The following RBMS2 variants were observed in gnomAD, a reference collection of about 807,000 sequenced individuals.
RBMS2 encodes the protein RNA-binding motif, single-stranded-interacting protein 2.
Under a neutral mutation model 58.4 loss-of-function variants are expected in RBMS2, and 38 were observed. The observed-to-expected ratio is 0.65, with a 90% confidence interval of 0.50 to 0.85. The LOEUF is 0.85. Ranked by LOEUF, RBMS2 falls within the 40% of genes least tolerant of loss-of-function variation. The pLI, the probability that RBMS2 is intolerant of heterozygous loss-of-function variation, is 0.00. For synonymous variants in RBMS2, 151 were observed against 180.7 expected, an observed-to-expected ratio of 0.84 and a Z score of 1.32; for missense variants, 367 against 503.7, an observed-to-expected ratio of 0.73 and a Z score of 2.60.
At chr12:56,570,535 C>T (rs963295977) in intron 4 of RBMS2, among the ~76,000 whole-genome samples, 6 of 152,180 alleles carry the variant, frequency 3.9e-5, no homozygotes, top group Admixed American at 1.3e-4. Flanking sequence ...TCTCTCACTT[C>T]TTCTGTTAGG....
At position 56,569,021 on chromosome 12, in the gene RBMS2, A is replaced by C; in HGVS notation, c.280A>C (p.Asn94His). The change falls in exon 3 of 14, where the codon AAC becomes CAC. Residue 94 changes from asparagine (N) to histidine (H), a missense_variant. Coordinates refer to ENST00000262031, the MANE Select transcript of RBMS2 (RefSeq NM_002898.4). ...STKAILDKTT[N>H]KCKGYGFVDF... The stretch of plus-strand genomic sequence containing the variant: ...TAAGGCCATACTGGACAAGACCACA[A>C]ACAAATGTAAAGGTGAGAGAACAAC... 6.2e-7 allele frequency: 1 copy of C among 1,612,772 alleles called. No individual in the cohort carries two copies. The highest frequency in any genetic ancestry group is 8.5e-7 in the Non-Finnish European group (1 of 1,178,764).
intron 5 of RBMS2, among the ~76,000 whole-genome samples, chr12:56,575,312 C>T (rs1177949526): frequency 6.6e-6 from 1 of 152,076 alleles, no homozygotes; most frequent in East Asian, 1.9e-4. Flanking sequence ...TGGCACGTGC[C>T]TATAGTTCCA....
chr12:56,576,851 G>A (rs1883196334), intron 5 of RBMS2, among the ~76,000 whole-genome samples: 1 of 151,620 alleles, frequency 6.6e-6, no homozygotes, highest in African/African-American at 2.4e-5. Flanking sequence ...GACCAGCCTG[G>A]CCAAAATGGT....
intron 1 of RBMS2, among the ~76,000 whole-genome samples, chr12:56,554,104 C>T (rs961725355): frequency 2.1e-4 from 32 of 152,124 alleles, no homozygotes; most frequent in African/African-American, 7.0e-4. Flanking sequence ...GGATTATAGG[C>T]GTGAGCCACC....
At chr12:56,568,148 C>T (rs7305370) in intron 2 of RBMS2, among the ~76,000 whole-genome samples, 102,465 of 152,094 alleles carry the variant, frequency 0.67, 38,122 homozygotes, top group Non-Finnish European at 0.81. Flanking sequence ...AGGATTTGAA[C>T]CAAAGCAATT....
intron 1 of RBMS2, among the ~76,000 whole-genome samples, chr12:56,551,201 G>A (rs757707455): frequency 3.3e-5 from 5 of 152,014 alleles, no homozygotes; most frequent in African/African-American, 1.2e-4. Flanking sequence ...AATGGCATGC[G>A]GTTTTATTTG....
intron 1 of RBMS2, among the ~76,000 whole-genome samples, chr12:56,538,797 T>C (rs1875505419): frequency 6.6e-6 from 1 of 152,152 alleles, no homozygotes; most frequent in Admixed American, 6.5e-5. Context: ...CTTAACAATG[T>C]TAATGCTTCC....
chr12:56,585,077 C>T (rs1884506170), intron 9 of RBMS2, among the ~76,000 whole-genome samples: 2 of 152,128 alleles, frequency 1.3e-5, no homozygotes, highest in South Asian at 4.1e-4. Flanking sequence ...CCCACCTCGG[C>T]CTCCCAAAGT....
chr12:56,579,655 T>C (rs577843327), intron 5 of RBMS2, among the ~76,000 whole-genome samples: 1 of 152,002 alleles, frequency 6.6e-6, no homozygotes, highest in East Asian at 1.9e-4. Flanking sequence ...AAAAATCTTT[T>C]ATAGGAATGG....
Position 56,529,217 on chromosome 12 carries a change from TG to T in RBMS2, c.66+7130del, listed in dbSNP as rs751815943. ...CTGATGAATGGATAAATAAAATACA[TG>T]GTATGCCCATACAATGAAATATTAT... On this transcript the variant is annotated intron_variant, in intron 1 of 13. Coordinates refer to ENST00000262031, the MANE Select transcript of RBMS2 (RefSeq NM_002898.4). Among the ~76,000 whole-genome samples the T allele has an allele frequency of 2.6e-5, 4 of 152,166 alleles. No homozygotes were observed. In the South Asian group the frequency reaches 8.3e-4, roughly 32 times the overall value.
At chr12:56,564,899 A>G (rs536983187) in intron 2 of RBMS2, among the ~76,000 whole-genome samples, 1 of 152,298 alleles carries the variant, frequency 6.6e-6, no homozygotes, top group Non-Finnish European at 1.5e-5. Flanking sequence ...TCTTGAACCC[A>G]GAAAGCAGAC....
At chr12:56,586,104 A>G (rs910184496) in intron 9 of RBMS2, among the ~76,000 whole-genome samples, 7 of 152,132 alleles carry the variant, frequency 4.6e-5, no homozygotes, top group Admixed American at 2.0e-4. Flanking sequence ...TGAGGCGGGC[A>G]TATCACGAGG....
At chr12:56,581,624 G>T in intron 7 of RBMS2, 116 bp downstream of exon 7, 2 of 1,206,278 alleles carry the variant, frequency 1.7e-6, no homozygotes, top group Non-Finnish European at 2.4e-6. Context: ...GTACGTAATT[G>T]AGAAATGCTG....
At chr12:56,583,621 T>G (rs1884276725) in intron 9 of RBMS2, among the ~76,000 whole-genome samples, 1 of 150,906 alleles carries the variant, frequency 6.6e-6, no homozygotes, top group African/African-American at 2.4e-5. Flanking sequence ...GCCACTACAC[T>G]CCAGCCTGGG....
chr12:56,556,895 C>G (rs1040275066), intron 1 of RBMS2, among the ~76,000 whole-genome samples: 6 of 152,126 alleles, frequency 3.9e-5, no homozygotes, highest in Non-Finnish European at 7.3e-5. Flanking sequence ...AATAAAGTCA[C>G]TATGGATTCA....
intron 5 of RBMS2, among the ~76,000 whole-genome samples, chr12:56,573,456 A>G (rs1310475059): frequency 1.1e-4 from 14 of 132,496 alleles, no homozygotes; most frequent in Admixed American, 5.3e-4. Context: ...CAGCCTGGGC[A>G]GCAAAGCGAG....
Position 56,595,901 on chromosome 12 carries a change from G to A in RBMS2, c.*6768G>A, listed in dbSNP as rs549785279. On this transcript the variant is annotated 3_prime_UTR_variant, in exon 14 of 14. Transcript: ENST00000262031. Reference sequence around the variant, plus strand: ...CCGTCTCCCCCTCAGGTGTGTAGAAGGGAAGATGAATACACAGAGTCTTTT... The same window carrying A: ...CCGTCTCCCCCTCAGGTGTGTAGAAAGGAAGATGAATACACAGAGTCTTTT... 1 of 90,202 alleles carries A rather than the reference G, an allele frequency of 1.1e-5. No individual in the cohort carries two copies. The highest frequency in any genetic ancestry group is 2.4e-4 in the East Asian group (1 of 4,186). 5.6% of individuals were successfully genotyped at this position (90,202 alleles called of 1,614,324 possible).
chr12:56,579,254 A>G (rs983629438), intron 5 of RBMS2, among the ~76,000 whole-genome samples: 1 of 152,224 alleles, frequency 6.6e-6, no homozygotes, highest in African/African-American at 2.4e-5. Flanking sequence ...TGTAAGGGGT[A>G]GAAGTACCCA....
chr12:56,571,814 T>A lies in RBMS2; in HGVS notation c.501T>A (p.Leu167=). 1 of 1,593,274 alleles carries A rather than the reference T, an allele frequency of 6.3e-7. No individual in the cohort carries two copies. Among genetic ancestry groups the A allele is most frequent in the East Asian group, 2.3e-5 (1 of 44,028 alleles). ...GCCAGGTTATCTCCACCCGTATCCTTCGAGATACCAGTGGGACCAGCAGAG... is the reference window on the plus strand; with the variant it reads ...GCCAGGTTATCTCCACCCGTATCCTACGAGATACCAGTGGGACCAGCAGAG... ...PFGQVISTRI[L]RDTSGTSRGV... The change falls in exon 5 of 14, where the codon CTT becomes CTA. Residue 167 remains leucine, a synonymous_variant. Coordinates refer to ENST00000262031, the MANE Select transcript of RBMS2 (RefSeq NM_002898.4).
Sources: gnomAD v4.1 joint callset for allele counts (sites outside exome capture counted in the v4.1 genomes callset) on GRCh38, gnomAD v4.1.1 for gene constraint, MANE v1.5 for transcripts, NCBI Gene and HGNC (gene_info 2026-07-23, HGNC 2026-07-21) for gene names.